Variants in C2 observed in about 807,000 individuals in gnomAD.
The protein encoded by C2 is complement C2, also known as C3/C5 convertase.
In C2, 64 loss-of-function variants were observed where a neutral mutation model predicts 85.2. The observed-to-expected ratio is 0.75, with a 90% CI of 0.61 to 0.92. The LOEUF is 0.92. C2 is among the 40% of genes least tolerant of loss of function. The pLI is 0.00. For missense variants in C2, 820 were observed against 971.6 expected (o/e 0.84, Z 2.07); for synonymous variants, 311 against 370.8 (o/e 0.84, Z 1.85).
chr6:31,902,357 C>T (rs1476787407), intron 1 of C2, among the ~76,000 whole-genome samples: 1 of 151,854 alleles, frequency 6.6e-6, no homozygotes, highest in Admixed American at 6.6e-5. Context: ...GCCCATGGCG[C>T]TACTCGCTCC....
At chr6:31,900,339 C>T, upstream of C2, 1 of 1,610,048 alleles carries the variant, frequency 6.2e-7, no homozygotes, top group East Asian at 2.2e-5. The surrounding 1 kb of genome is among the most constrained non-coding windows in gnomAD (Gnocchi z 9.7). Context: ...CCTGAGAAGC[C>T]CCCAGGCAGG....
chr6:31,934,565 G>C, intron 6 of C2: 1 of 1,446,600 alleles, frequency 6.9e-7, no homozygotes, highest in South Asian at 1.4e-5. Flanking sequence ...TCATCATCTA[G>C]AACAGTGGTC....
At chr6:31,931,901 C>T (rs1267867482) in intron 3 of C2, among the ~76,000 whole-genome samples, 1 of 76,628 alleles carries the variant, frequency 1.3e-5, no homozygotes, top group African/African-American at 3.5e-5. Flanking sequence ...GGCTGACCCC[C>T]CCACCTCCCT....
intron 1 of C2, among the ~76,000 whole-genome samples, chr6:31,912,031 A>G (rs892370964): frequency 6.8e-6 from 1 of 147,246 alleles, no homozygotes; most frequent in Non-Finnish European, 1.5e-5. Context: ...GCAGTCTCCC[A>G]AAGTGCTGGG....
Position 31,944,043 on chromosome 6 carries a change from G to T in C2, c.1810+50G>T, listed in dbSNP as rs1447822946. On this transcript the variant is annotated intron_variant, in intron 14 of 17. Coordinates refer to ENST00000299367, the MANE Select transcript of C2 (RefSeq NM_000063.6). The surrounding 1 kb of genome is among the most constrained non-coding windows in gnomAD (Gnocchi z 5.1). ...TGAGAGCTGGGGCCGGGGTTTGGGGGTGATAACAAGGACTAGGCTGCAGTC... is the reference window on the plus strand; with the variant it reads ...TGAGAGCTGGGGCCGGGGTTTGGGGTTGATAACAAGGACTAGGCTGCAGTC... 23 of 1,600,816 alleles carry T rather than the reference G, an allele frequency of 1.4e-5. No homozygotes were observed. Among genetic ancestry groups the T allele is most frequent in the Non-Finnish European group, 2.0e-5 (23 of 1,169,010 alleles).
At chr6:31,898,337 T>G (rs1006593376), upstream of C2, among the ~76,000 whole-genome samples, 1 of 152,216 alleles carries the variant, frequency 6.6e-6, no homozygotes, top group Non-Finnish European at 1.5e-5. Flanking sequence ...AAACCTTTTT[T>G]GCCGAACACT....
upstream of C2, among the ~76,000 whole-genome samples, chr6:31,923,199 C>T (rs1037544582): frequency 1.3e-5 from 2 of 152,184 alleles, no homozygotes; most frequent in African/African-American, 4.8e-5. Context: ...ATCTTTAGCC[C>T]CACAGGTCAG....
At chr6:31,915,123 C>G (rs955002653), upstream of C2, among the ~76,000 whole-genome samples, 10 of 152,168 alleles carry the variant, frequency 6.6e-5, no homozygotes, top group African/African-American at 2.4e-4. Context: ...GGTCTTCCAG[C>G]CCCTACATAC....
Position 31,939,337 on chromosome 6 carries a change from G to A in C2, c.1219+17G>A. Reference sequence around the variant, plus strand: ...ACTATCTGGGTGAGCCCCTGCCACTGCCACCACATTTGTTCTGCTCCTGCA... The same window carrying A: ...ACTATCTGGGTGAGCCCCTGCCACTACCACCACATTTGTTCTGCTCCTGCA... On this transcript the variant is annotated intron_variant, in intron 9 of 17. Coordinates refer to ENST00000299367, the MANE Select transcript of C2 (RefSeq NM_000063.6). The A allele has an allele frequency of 6.3e-7, 1 of 1,576,672 alleles. No individual in the cohort carries two copies. Among genetic ancestry groups the A allele is most frequent in the African/African-American group, 1.3e-5 (1 of 74,324 alleles).
Position 31,945,199 on chromosome 6 carries a change from C to T in C2, c.2101C>T (p.Leu701Phe). Residue 701 changes from leucine to phenylalanine, a missense_variant, in exon 18 of 18, where the codon CTT (leucine) becomes TTT (phenylalanine). Physicochemically the swap from Leu to Phe is conservative, Grantham distance 22. Coordinates refer to ENST00000299367, the MANE Select transcript of C2 (RefSeq NM_000063.6). This position sits in a 1 kb window ranked among gnomAD's most constrained non-coding sequence, Gnocchi z 5.3. ...CCAGGTGGGTCTGGTGAGCTGGGGTCTTTACAACCCCTGCCTTGGCTCTGC... is the reference window on the plus strand; with the variant it reads ...CCAGGTGGGTCTGGTGAGCTGGGGTTTTTACAACCCCTGCCTTGGCTCTGC... ...FFQVGLVSWG[L>F]YNPCLGSADK... is the part of the protein sequence containing the mutation. The T allele has an allele frequency of 2.5e-6, 4 of 1,612,938 alleles. No individual in the cohort carries two copies. Among genetic ancestry groups the T allele is most frequent in the Non-Finnish European group, 3.4e-6 (4 of 1,179,996 alleles).
At chr6:31,925,635 A>G (rs1041395130), upstream of C2, among the ~76,000 whole-genome samples, 2 of 152,074 alleles carry the variant, frequency 1.3e-5, no homozygotes, top group Non-Finnish European at 2.9e-5. Flanking sequence ...TGGCTGGTGG[A>G]GCAGCCACCA....
chr6:31,902,034 G>C (rs1162506454), intron 1 of C2: 2 of 150,886 alleles, frequency 1.3e-5, no homozygotes, highest in Admixed American at 6.6e-5. Flanking sequence ...GTGTGTTCCA[G>C]GCCCCGCGCG....
chr6:31,897,789 T>C, upstream of C2: 1 of 974,308 alleles, frequency 1.0e-6, no homozygotes, highest in Non-Finnish European at 1.3e-6. Flanking sequence ...TTTGGCCATT[T>C]TCCCCTGAGA....
chr6:31,928,061 C>T lies in C2; in HGVS notation c.153C>T (p.Cys51=). ...CTGGGAGCCTTCTCACCTACTCCTG[C>T]CCCCAGGGCCTGTACCCATCCCCAG... The part of the protein sequence containing the change: ...WAPGSLLTYS[C]PQGLYPSPAS... The change falls in exon 2 of 18, where the codon TGC becomes TGT. Residue 51 remains cysteine, a synonymous_variant. Coordinates refer to ENST00000299367, the MANE Select transcript of C2 (RefSeq NM_000063.6). The T allele has an allele frequency of 6.2e-7, 1 of 1,614,106 alleles. No individual in the cohort carries two copies. Among genetic ancestry groups the T allele is most frequent in the Non-Finnish European group, 8.5e-7 (1 of 1,179,976 alleles).
At chr6:31,898,546 C>G (rs146592879), upstream of C2, among the ~76,000 whole-genome samples, 961 of 151,884 alleles carry the variant, frequency 6.3e-3, 26 homozygotes, top group South Asian at 0.077. Context: ...CACCTGAGGC[C>G]AATTAAAGGC....
rs1258670701 is a variant in C2, at chr6:31,922,154, A to G, written c.-100+2128A>G. Among the ~76,000 whole-genome samples, 4 of 152,114 alleles carry G rather than the reference A, an allele frequency of 2.6e-5. No homozygotes were observed. The highest frequency in any genetic ancestry group is 9.7e-5 in the African/African-American group (4 of 41,426). On this transcript the variant is annotated intron_variant, in intron 1 of 3. Coordinates refer to the C2 transcript ENST00000413154. This position sits in a 1 kb window ranked among gnomAD's most constrained non-coding sequence, Gnocchi z 4.8. ...GTAGAGACAGAGATGCTGCAGCTGG[A>G]AGTCAGTGGAGCACCCCAGTGATAA...
upstream of C2, chr6:31,900,514 C>A (rs1433236942): frequency 2.5e-6 from 4 of 1,611,300 alleles, no homozygotes; most frequent in Non-Finnish European, 3.4e-6. The surrounding 1 kb of genome is among the most constrained non-coding windows in gnomAD (Gnocchi z 9.7). Flanking sequence ...TATAGCAGGC[C>A]TTCACCACAC....
intron 9 of C2, chr6:31,941,537 A>C (rs1770877300): frequency 6.6e-6 from 1 of 152,266 alleles, no homozygotes. Flanking sequence ...TCTGTCACCC[A>C]GAAGCCCAGG....
In C2 at chr6:31,944,989, G is replaced by A; in HGVS notation, c.2039G>A (p.Gly680Glu). Residue 680 changes from glycine (G) to glutamate (E), a missense_variant, in exon 17 of 18, where the codon GGG becomes GAG. Gly to Glu is a moderately conservative substitution (Grantham distance 98). Transcript: ENST00000299367. This position sits in a 1 kb window ranked among gnomAD's most constrained non-coding sequence, Gnocchi z 5.1. ...CACCCTTTGCTGGCAGGAGAATCTG[G>A]GGGAGCAGTTTTCCTTGAGCGGAGA... The part of the protein sequence containing the change: ...EDESPCKGES[G>E]GAVFLERRFR... The A allele has an allele frequency of 6.2e-7, 1 of 1,613,054 alleles. No individual in the cohort carries two copies. The highest frequency in any genetic ancestry group is 8.5e-7 in the Non-Finnish European group (1 of 1,180,028).
Sources: allele counts gnomAD v4.1 joint callset (sites outside exome capture counted in the v4.1 genomes callset), GRCh38; gene constraint gnomAD v4.1.1; non-coding constraint Gnocchi (gnomAD v3.1); transcripts MANE v1.5; gene names NCBI Gene and HGNC (gene_info 2026-07-23, HGNC 2026-07-21).